CELF2: variants seen among roughly 807,000 people sequenced by gnomAD.
The protein encoded by CELF2 is CUG triplet repeat RNA-binding protein 2.
CELF2 carries 8 observed loss-of-function variants against 62.6 expected under a neutral mutation model. The observed-to-expected ratio is 0.13, with a 90% CI of 0.07 to 0.23. The LOEUF (loss-of-function observed/expected upper bound fraction) is 0.23. Among genes scored for constraint, CELF2 ranks in the 10% least tolerant of loss-of-function variants. The pLI is 1.00. For synonymous variants in CELF2, 258 were observed against 250.0 expected (o/e 1.03, Z -0.30); for missense variants, 333 against 671.0 (o/e 0.50, Z 5.56).
At chr10:11,044,716 T>A (rs1468357435) in intron 1 of CELF2, among the ~76,000 whole-genome samples, 1 of 152,198 alleles carries the variant, frequency 6.6e-6, no homozygotes, top group Non-Finnish European at 1.5e-5. Flanking sequence ...TAGGATATAC[T>A]ATTGTAATAT....
At chr10:11,320,672 C>CT (rs2095388315) in intron 10 of CELF2, among the ~76,000 whole-genome samples, 1 of 152,174 alleles carries the variant, frequency 6.6e-6, no homozygotes, top group South Asian at 2.1e-4. Context: ...GAGTACAGAA[C>CT]TTGTCCTCTC....
rs1275172276 is a variant in CELF2, at chr10:11,145,311, A to G, written c.75-20175A>G. On this transcript the variant is annotated intron_variant, in intron 1 of 12. Coordinates refer to ENST00000633077, the MANE Select transcript of CELF2 (RefSeq NM_001326342.2). The surrounding 1 kb of genome is among the most constrained non-coding windows in gnomAD (Gnocchi z 4.3). ...GCACAGATACTTTTATGTGTTGTTGAAAGAGCTGGCTGAGCTTCAGATGGG... is the reference window on the plus strand; with the variant it reads ...GCACAGATACTTTTATGTGTTGTTGGAAGAGCTGGCTGAGCTTCAGATGGG... Among the ~76,000 whole-genome samples, 1 of 152,250 alleles carries G rather than the reference A, an allele frequency of 6.6e-6. No homozygotes were observed. Among genetic ancestry groups the G allele is most frequent in the East Asian group, 1.9e-4 (1 of 5,202 alleles).
At chr10:10,738,547 A>G in the CELF2 span, among the ~76,000 whole-genome samples, 1 of 152,114 alleles carries the variant, frequency 6.6e-6, no homozygotes, top group Non-Finnish European at 1.5e-5. Context: ...CGCAAGCCTC[A>G]CCACCCCAGT....
intron 1 of CELF2, among the ~76,000 whole-genome samples, chr10:10,914,055 C>T (rs2064097128): frequency 6.6e-6 from 1 of 151,934 alleles, no homozygotes; most frequent in East Asian, 1.9e-4. Context: ...TAAAGAAAAC[C>T]CCACACCTTC....
At chr10:10,627,407 G>C in the CELF2 span, among the ~76,000 whole-genome samples, 2 of 152,196 alleles carry the variant, frequency 1.3e-5, no homozygotes, top group African/African-American at 4.8e-5. Flanking sequence ...GAGTCCTTCT[G>C]TACCGGATCA....
chr10:10,875,181 T>C lies in CELF2; in HGVS notation c.54-44783T>C, dbSNP rs542634070. Among the ~76,000 whole-genome samples the C allele has an allele frequency of 3.9e-5, 6 of 152,294 alleles. No individual in the cohort carries two copies. In the South Asian group the frequency reaches 1.2e-3, roughly 32 times the overall value. ...ATGTGGAATTCAATTTAAAATAAAA[T>C]CCGATATTCCGTCTGAAAATTTCAA... On this transcript the variant is annotated intron_variant, in intron 1 of 13. Coordinates refer to the CELF2 transcript ENST00000636488.
rs76113969 is a variant in CELF2 at position 11,222,581 on chromosome 10, G to A, written c.354+5074G>A. ...TTTATTCGGCAACCATGTATTGAAC[G>A]TTTATTGTTTGCCAGGCACTGTTCT... On this transcript the variant is annotated intron_variant, in intron 3 of 12. Coordinates refer to ENST00000633077, the MANE Select transcript of CELF2 (RefSeq NM_001326342.2). 5.2e-3 allele frequency among the ~76,000 whole-genome samples: 798 copies of A among 152,248 alleles called. 4 individuals carry two copies. Among genetic ancestry groups the A allele is most frequent in the African/African-American group, 0.018 (766 of 41,528 alleles).
chr10:11,171,851 TA>T (rs1342682999), intron 2 of CELF2, among the ~76,000 whole-genome samples: 1 of 152,218 alleles, frequency 6.6e-6, no homozygotes, highest in Non-Finnish European at 1.5e-5. Flanking sequence ...GTTTCTTCTT[TA>T]AAATGTTAAA....
the CELF2 span, among the ~76,000 whole-genome samples, chr10:10,604,176 C>A: frequency 6.6e-6 from 1 of 152,224 alleles, no homozygotes. Flanking sequence ...CACTACTGTG[C>A]TCCAACCTGG....
chr10:11,021,578 G>GT (rs1414244743), intron 1 of CELF2, among the ~76,000 whole-genome samples: 1 of 152,200 alleles, frequency 6.6e-6, no homozygotes, highest in Non-Finnish European at 1.5e-5. Flanking sequence ...GGAAACGTGA[G>GT]TTGTTAGTTG....
chr10:10,679,583 C>T, the CELF2 span, among the ~76,000 whole-genome samples: 1 of 152,156 alleles, frequency 6.6e-6, no homozygotes. Context: ...AGCCACCATG[C>T]CTGGCCCTAT....
chr10:10,893,922 C>T (rs770589565), intron 1 of CELF2, among the ~76,000 whole-genome samples: 9 of 152,116 alleles, frequency 5.9e-5, no homozygotes, highest in Non-Finnish European at 1.2e-4. Flanking sequence ...CAATTGAACA[C>T]GAGATTTGGG....
chr10:11,131,902 G>T (rs1355346330), intron 1 of CELF2, among the ~76,000 whole-genome samples: 6 of 152,156 alleles, frequency 3.9e-5, no homozygotes, highest in Admixed American at 3.9e-4. Flanking sequence ...AAAGAGTTGA[G>T]TTTCTGTTAA....
At chr10:11,061,956 G>T (rs1189918414) in intron 1 of CELF2, among the ~76,000 whole-genome samples, 1 of 152,184 alleles carries the variant, frequency 6.6e-6, no homozygotes, top group Admixed American at 6.5e-5. Context: ...AGAACTATAG[G>T]CACCTGCCAC....
intron 1 of CELF2, among the ~76,000 whole-genome samples, chr10:11,055,346 A>T (rs1486941353): frequency 6.6e-6 from 1 of 152,188 alleles, no homozygotes; most frequent in Non-Finnish European, 1.5e-5. Flanking sequence ...TTTCCTCATA[A>T]TCTGCATTTC....
At chr10:10,618,323 CT>C in the CELF2 span, among the ~76,000 whole-genome samples, 72 of 152,086 alleles carry the variant, frequency 4.7e-4, no homozygotes, top group Non-Finnish European at 8.8e-4. Flanking sequence ...CCTACTCTCC[CT>C]CTTCATCTTA....
At chr10:10,483,282 A>G in the CELF2 span, among the ~76,000 whole-genome samples, 2 of 150,646 alleles carry the variant, frequency 1.3e-5, no homozygotes, top group Non-Finnish European at 3.0e-5. Context: ...TCTGTTTCTT[A>G]GGACCTAAAA....
the CELF2 span, among the ~76,000 whole-genome samples, chr10:10,472,187 A>G: frequency 6.6e-6 from 1 of 151,742 alleles, no homozygotes; most frequent in African/African-American, 2.4e-5. Flanking sequence ...AAATATTTTC[A>G]TGCTTGTTTC....
chr10:11,085,742 T>A (rs2046530157), intron 1 of CELF2, among the ~76,000 whole-genome samples: 1 of 152,196 alleles, frequency 6.6e-6, no homozygotes. Context: ...CACCTCCCCA[T>A]CTGCCTTGTG....
Sources: gnomAD v4.1 joint callset for allele counts (sites outside exome capture counted in the v4.1 genomes callset) on GRCh38, gnomAD v4.1.1 for gene constraint, Gnocchi (gnomAD v3.1) non-coding constraint, MANE v1.5 for transcripts, NCBI Gene and HGNC (gene_info 2026-07-23, HGNC 2026-07-21) for gene names.